Variants in DHX15 observed in about 807,000 individuals in gnomAD.
The protein encoded by DHX15 is ATP-dependent RNA helicase DHX15.
DHX15 carries 11 observed loss-of-function variants against 94.4 expected under a neutral mutation model. The ratio of observed to expected loss-of-function variants is 0.12; its 90% CI spans 0.07 to 0.19. DHX15 has a LOEUF of 0.19. DHX15 is among the 10% of genes least tolerant of loss of function. The pLI, the probability that DHX15 is intolerant of heterozygous loss-of-function variation, is 1.00. For missense variants in DHX15, 304 were observed against 988.5 expected, an observed-to-expected ratio of 0.31 and a Z score of 9.29; for synonymous variants, 338 against 329.9, an observed-to-expected ratio of 1.02 and a Z score of -0.27.
chr4:24,533,440 A>G, intron 11 of DHX15: 1 of 252,298 alleles, frequency 4.0e-6, no homozygotes, highest in Non-Finnish European at 7.8e-6. Context: ...TTAGATTAAG[A>G]TAACTGCAAA....
intron 6 of DHX15, 141 bp downstream of exon 6, chr4:24,548,714 G>T: frequency 1.3e-6 from 1 of 777,482 alleles, no homozygotes; most frequent in Non-Finnish European, 1.9e-6. Context: ...GAGATATGCG[G>T]AACCCTACAA....
chr4:24,542,729 C>G (rs1192246427), intron 7 of DHX15, among the ~76,000 whole-genome samples: 3 of 151,518 alleles, frequency 2.0e-5, no homozygotes, highest in African/African-American at 7.3e-5. Context: ...CAAAGCAACT[C>G]TAAAAGAAAA....
chr4:24,551,451 CA>C (rs979687775), intron 5 of DHX15, among the ~76,000 whole-genome samples: 16 of 152,024 alleles, frequency 1.1e-4, no homozygotes, highest in Non-Finnish European at 2.2e-4. Context: ...AATTACTTTT[CA>C]CTTATTTCAA....
At chr4:24,528,083 A>T in intron 13 of DHX15, 42 bp from the exon 14 acceptor site, 1 of 1,377,546 alleles carries the variant, frequency 7.3e-7, no homozygotes, top group Non-Finnish European at 1.0e-6. Flanking sequence ...TTAACATTTA[A>T]TTGAAGTACT....
intron 3 of DHX15, among the ~76,000 whole-genome samples, chr4:24,568,685 CT>C (rs1441856078): frequency 1.3e-5 from 2 of 152,140 alleles, no homozygotes; most frequent in Non-Finnish European, 2.9e-5. Flanking sequence ...TCAACTGTGG[CT>C]TACCAAAAAA....
At chr4:24,561,791 G>A (rs1413276845) in intron 3 of DHX15, among the ~76,000 whole-genome samples, 2 of 152,072 alleles carry the variant, frequency 1.3e-5, no homozygotes, top group Non-Finnish European at 2.9e-5. Flanking sequence ...TGGAGGGTGG[G>A]AAGAGAAAGA....
chr4:24,548,986 C>T lies in DHX15; in HGVS notation c.1117G>A (p.Val373Ile). Reference sequence around the variant, plus strand: ...CCAACTTCAGGGCCCAAATCATCAACTTCACGCTTTATTCTCTTACAGGCT... The same window carrying T: ...CCAACTTCAGGGCCCAAATCATCAATTTCACGCTTTATTCTCTTACAGGCT... Reference protein sequence around the residue: ...DEACKRIKREVDDLGPEVGDI... With the variant: ...DEACKRIKREIDDLGPEVGDI... Residue 373 changes from valine to isoleucine, a missense_variant, in exon 6 of 14, where the codon GTT becomes ATT. Physicochemically the swap from Val to Ile is conservative, Grantham distance 29. Transcript: ENST00000336812. The T allele has an allele frequency of 6.2e-7, 1 of 1,613,786 alleles. No homozygotes were observed. The highest frequency in any genetic ancestry group is 8.5e-7 in the Non-Finnish European group (1 of 1,179,836).
At chr4:24,529,890 A>G in intron 12 of DHX15, 120 bp from the exon 13 acceptor site, 1 of 1,007,518 alleles carries the variant, frequency 9.9e-7, no homozygotes, top group Non-Finnish European at 1.5e-6. Flanking sequence ...GGCTATACTT[A>G]TTTATCACTG....
chr4:24,559,449 T>C (rs1721816325), intron 3 of DHX15, among the ~76,000 whole-genome samples: 1 of 151,252 alleles, frequency 6.6e-6, no homozygotes, highest in African/African-American at 2.4e-5. Flanking sequence ...ACCCTTTGCT[T>C]AACAACAAAA....
At chr4:24,579,632 T>C (rs1030775472) in intron 1 of DHX15, among the ~76,000 whole-genome samples, 1 of 152,214 alleles carries the variant, frequency 6.6e-6, no homozygotes, top group Non-Finnish European at 1.5e-5. Flanking sequence ...ATCACAGTTA[T>C]TTCTTCCCTC....
intron 1 of DHX15, among the ~76,000 whole-genome samples, chr4:24,579,493 C>T (rs1168473985): frequency 6.6e-6 from 1 of 152,140 alleles, no homozygotes; most frequent in African/African-American, 2.4e-5. Context: ...AAACTGGTAT[C>T]AAGTCAGTGC....
intron 6 of DHX15, among the ~76,000 whole-genome samples, chr4:24,548,493 C>CT (rs1386774721): frequency 1.3e-5 from 2 of 152,158 alleles, no homozygotes; most frequent in Non-Finnish European, 2.9e-5. Context: ...CATTTCACAC[C>CT]TATAGACATT....
In DHX15 at chr4:24,527,704, A is replaced by C. The variant is rs1720990566; in HGVS notation, c.*220T>G. 4.3e-6 allele frequency: 2 copies of C among 464,778 alleles called. No homozygotes were observed. Among genetic ancestry groups the C allele is most frequent in the African/African-American group, 3.9e-5 (2 of 51,920 alleles). 28.8% of individuals were successfully genotyped at this position (464,778 alleles called of 1,614,324 possible). A position where few individuals can be genotyped will look rare whatever the true frequency, so the allele number is the denominator to read the frequency against. On this transcript the variant is annotated 3_prime_UTR_variant, in exon 14 of 14. Transcript: ENST00000336812. ...AACTACTTTCAATAAACTGCAAAAC[A>C]TTGATCGACTTTTCCAGTATGAGCT...
chr4:24,545,891 A>G (rs1721411905), intron 6 of DHX15, among the ~76,000 whole-genome samples: 2 of 152,190 alleles, frequency 1.3e-5, no homozygotes, highest in African/African-American at 2.4e-5. Context: ...AACCGCATTG[A>G]CTAATATGGA....
At chr4:24,539,103 ACT>A (rs1721255626) in intron 10 of DHX15, 2 of 152,252 alleles carry the variant, frequency 1.3e-5, no homozygotes, top group South Asian at 4.1e-4. Flanking sequence ...ATCAGTCATA[ACT>A]CTGCAAGAAA....
chr4:24,576,420 T>C lies in DHX15; in HGVS notation c.330A>G (p.Ser110=). 6.2e-7 allele frequency: 1 copy of C among 1,614,160 alleles called. No homozygotes were observed. Among genetic ancestry groups the C allele is most frequent in the Non-Finnish European group, 8.5e-7 (1 of 1,180,038 alleles). ...STHAGHAGHT[S]LPQCINPFTN... is the part of the protein sequence containing the mutation. The stretch of plus-strand genomic sequence containing the variant: ...TGAACGGATTAATGCACTGTGGAAG[T>C]GACGTGTGACCTGCATGTCCGGCAT... Residue 110 remains serine (S), a synonymous_variant, in exon 2 of 14, where the codon TCA becomes TCG. Coordinates refer to ENST00000336812, the MANE Select transcript of DHX15 (RefSeq NM_001358.3).
In DHX15 at chr4:24,584,316, G is replaced by A; in HGVS notation, c.71+7C>T. The A allele has an allele frequency of 6.2e-7, 1 of 1,611,158 alleles. No homozygotes were observed. Among genetic ancestry groups the A allele is most frequent in the Non-Finnish European group, 8.5e-7 (1 of 1,179,136 alleles). ...AGCTGCCGCCTCGCGCCCCCGGCCTGGCTTACCCATCGGTCCCCGCACGCT... is the reference window on the plus strand; with the variant it reads ...AGCTGCCGCCTCGCGCCCCCGGCCTAGCTTACCCATCGGTCCCCGCACGCT... On this transcript the variant is annotated splice_region_variant and intron_variant, in intron 1 of 13. Coordinates refer to ENST00000336812, the MANE Select transcript of DHX15 (RefSeq NM_001358.3).
At chr4:24,581,588 T>C (rs899413125) in intron 1 of DHX15, among the ~76,000 whole-genome samples, 6 of 152,212 alleles carry the variant, frequency 3.9e-5, no homozygotes, top group Admixed American at 6.5e-5. Context: ...GGCAAGTTCA[T>C]TTAACCTCAT....
At chr4:24,570,502 A>T in intron 3 of DHX15, 152 bp downstream of exon 3, 1 of 595,552 alleles carries the variant, frequency 1.7e-6, no homozygotes, top group Non-Finnish European at 2.9e-6. Flanking sequence ...ATAATATATA[A>T]TTAAACTAAG....
Sources: allele counts gnomAD v4.1 joint callset (sites outside exome capture counted in the v4.1 genomes callset), GRCh38; gene constraint gnomAD v4.1.1; transcripts MANE v1.5; gene names NCBI Gene and HGNC (gene_info 2026-07-23, HGNC 2026-07-21).